Variants in CLXN observed in about 807,000 individuals in gnomAD.
The protein encoded by CLXN is EF-hand calcium binding domain 1.
chr8:48,719,339 TA>T, the CLXN span, among the ~76,000 whole-genome samples: 1 of 151,998 alleles, frequency 6.6e-6, no homozygotes, highest in Non-Finnish European at 1.5e-5. Context: ...CTACCCAACA[TA>T]CTAAGAAGAA....
At chr8:48,719,061 A>G in the CLXN span, among the ~76,000 whole-genome samples, 1 of 152,080 alleles carries the variant, frequency 6.6e-6, no homozygotes, top group African/African-American at 2.4e-5. Context: ...CTAAGAAAAA[A>G]AAAAGACTCA....
chr8:48,724,731 C>T, the CLXN span: 1 of 1,601,958 alleles, frequency 6.2e-7, no homozygotes, highest in Non-Finnish European at 8.5e-7. Flanking sequence ...ACAATATAGA[C>T]ATTTAGTTAT....
chr8:48,730,729 A>C, the CLXN span: 7 of 699,346 alleles, frequency 1.0e-5, no homozygotes, highest in Non-Finnish European at 1.6e-5. Context: ...TCACTTTTAA[A>C]ATTAAGAGAA....
chr8:48,721,044 C>A, the CLXN span, among the ~76,000 whole-genome samples: 1 of 152,050 alleles, frequency 6.6e-6, no homozygotes, highest in African/African-American at 2.4e-5. Context: ...GTAGAAAACC[C>A]TACAAACACA....
At chr8:48,731,979 T>C in the CLXN span, among the ~76,000 whole-genome samples, 1 of 152,196 alleles carries the variant, frequency 6.6e-6, no homozygotes. Context: ...TTTTGGAAAC[T>C]AGAGTCACCA....
the CLXN span, chr8:48,731,524 T>C: frequency 1.2e-5 from 19 of 1,568,740 alleles, no homozygotes; most frequent in Non-Finnish European, 1.6e-5. Context: ...AAAATAGATA[T>C]AACAAAAATG....
the CLXN span, chr8:48,711,809 C>A: frequency 6.6e-6 from 1 of 152,178 alleles, no homozygotes; most frequent in Admixed American, 6.5e-5. Flanking sequence ...TTGCCCTTTT[C>A]TAGTTGAGAC....
At chr8:48,728,229 A>C in the CLXN span, among the ~76,000 whole-genome samples, 1 of 152,168 alleles carries the variant, frequency 6.6e-6, no homozygotes, top group Non-Finnish European at 1.5e-5. Context: ...AGAGCACACC[A>C]AAACCTCGTC....
the CLXN span, chr8:48,735,180 C>CG: frequency 3.1e-6 from 5 of 1,612,872 alleles, 1 homozygote; most frequent in South Asian, 3.3e-5. Flanking sequence ...CGGGCCGCGG[C>CG]GGGGGTCTCT....
chr8:48,726,087 A>G, the CLXN span, among the ~76,000 whole-genome samples: 2 of 143,610 alleles, frequency 1.4e-5, no homozygotes, highest in East Asian at 2.1e-4. Flanking sequence ...CCATCCATCC[A>G]TCCACCCATC....
At chr8:48,719,829 C>T in the CLXN span, among the ~76,000 whole-genome samples, 2 of 152,134 alleles carry the variant, frequency 1.3e-5, no homozygotes, top group Admixed American at 1.3e-4. Flanking sequence ...AATAAAGAAA[C>T]TTTCTGTAAA....
the CLXN span, chr8:48,728,987 C>T: frequency 2.2e-5 from 29 of 1,331,566 alleles, no homozygotes; most frequent in Admixed American, 5.7e-4. Flanking sequence ...TCAAGAAGTC[C>T]TGGGTTGTTC....
the CLXN span, chr8:48,711,063 G>A: frequency 6.6e-6 from 1 of 152,194 alleles, no homozygotes; most frequent in Admixed American, 6.5e-5. Flanking sequence ...GTCAGGGCTA[G>A]AACATGGGTA....
At chr8:48,733,281 A>G in the CLXN span, among the ~76,000 whole-genome samples, 2 of 152,132 alleles carry the variant, frequency 1.3e-5, no homozygotes, top group African/African-American at 4.8e-5. Context: ...ATTTTTAAAA[A>G]CTAGTTTAAT....
the CLXN span, chr8:48,735,033 G>A: frequency 1.3e-6 from 2 of 1,585,234 alleles, no homozygotes; most frequent in Middle Eastern, 1.7e-4. Context: ...ACCTTAGCAC[G>A]GGGTGGGACC....
At chr8:48,715,808 C>T in the CLXN span, 14 of 152,204 alleles carry the variant, frequency 9.2e-5, no homozygotes, top group African/African-American at 2.4e-4. Context: ...ACTGCTCCTT[C>T]GTGTGTAGAT....
chr8:48,715,902 C>T, the CLXN span: 1 of 152,242 alleles, frequency 6.6e-6, no homozygotes, highest in Non-Finnish European at 1.5e-5. Flanking sequence ...AATGGAAATC[C>T]TTGAATTTCC....
the CLXN span, among the ~76,000 whole-genome samples, chr8:48,721,378 C>T: frequency 5.5e-5 from 8 of 145,368 alleles, no homozygotes; most frequent in African/African-American, 2.9e-5. Context: ...AATGTTCATA[C>T]TACCCAAAGT....
At chr8:48,730,586 A>C in the CLXN span, 1 of 1,612,246 alleles carries the variant, frequency 6.2e-7, no homozygotes, top group African/African-American at 1.3e-5. Flanking sequence ...GTGATAATCC[A>C]TGAATCCACT....
Sources: allele counts gnomAD v4.1 joint callset (sites outside exome capture counted in the v4.1 genomes callset), GRCh38; gene constraint gnomAD v4.1.1; transcripts MANE v1.5; gene names NCBI Gene and HGNC (gene_info 2026-07-23, HGNC 2026-07-21).